Variants in DUSP22 observed in about 807,000 individuals in gnomAD.
DUSP22 encodes the protein dual specificity phosphatase 22.
In DUSP22, 24 loss-of-function variants were observed where a neutral mutation model predicts 24.5. That is an observed-to-expected ratio of 0.98 (90% CI 0.71 to 1.38). DUSP22 has a LOEUF of 1.38. Ranked by LOEUF, DUSP22 falls within the 40% of genes most tolerant of loss-of-function variation. DUSP22 has a pLI of 0.00. For missense variants in DUSP22, 330 were observed against 269.2 expected, an observed-to-expected ratio of 1.23 and a Z score of -1.58; for synonymous variants, 160 against 106.4, an observed-to-expected ratio of 1.50 and a Z score of -3.10.
chr6:344,787 A>G (rs1298280990), intron 4 of DUSP22, among the ~76,000 whole-genome samples: 9 of 152,304 alleles, frequency 5.9e-5, no homozygotes, highest in African/African-American at 2.2e-4. Context: ...AGGACTGCCA[A>G]AGTCCCGGGA....
chr6:341,359 C>G (rs574773576), intron 4 of DUSP22, among the ~76,000 whole-genome samples: 1 of 152,424 alleles, frequency 6.6e-6, no homozygotes, highest in African/African-American at 2.4e-5. Context: ...CGCACTTCTG[C>G]TTCTAACTGC....
At chr6:293,731 G>A (rs1561641863) in intron 1 of DUSP22, among the ~76,000 whole-genome samples, 1 of 151,794 alleles carries the variant, frequency 6.6e-6, no homozygotes, top group East Asian at 1.9e-4. Context: ...GTTTGTGAAA[G>A]AACTATTGTG....
chr6:333,544 G>A (rs562237298), intron 3 of DUSP22, among the ~76,000 whole-genome samples: 6 of 152,420 alleles, frequency 3.9e-5, no homozygotes, highest in South Asian at 4.1e-4. Flanking sequence ...TCTCACTTAG[G>A]TGTTAGTTGC....
chr6:347,698 A>G (rs2671409), intron 5 of DUSP22, among the ~76,000 whole-genome samples: 3 of 152,302 alleles, frequency 2.0e-5, no homozygotes, highest in African/African-American at 7.2e-5. Flanking sequence ...TTTAAGGAAC[A>G]TGAAGCATTC....
At chr6:346,092 G>A (rs569308590) in intron 5 of DUSP22, among the ~76,000 whole-genome samples, 164 bp downstream of exon 5, 1,323 of 151,598 alleles carry the variant, frequency 8.7e-3, no homozygotes, top group Non-Finnish European at 0.011. Context: ...TGTGTTAGTC[G>A]CCCTTTCCTT....
intron 3 of DUSP22, among the ~76,000 whole-genome samples, chr6:332,324 G>A (rs556819840): frequency 1.3e-5 from 2 of 152,428 alleles, no homozygotes; most frequent in Non-Finnish European, 2.9e-5. Flanking sequence ...GGAGGCTGCA[G>A]CTCCACACGC....
At chr6:309,516 A>T (rs1403377810) in intron 2 of DUSP22, among the ~76,000 whole-genome samples, 1 of 152,302 alleles carries the variant, frequency 6.6e-6, no homozygotes, top group East Asian at 1.9e-4. Flanking sequence ...TATCACCTAA[A>T]TTTTTTTTCC....
At position 292,488 on chromosome 6, in the gene DUSP22, T is replaced by A. The variant is rs1485789650; in HGVS notation, c.-52T>A. On this transcript the variant is annotated 5_prime_UTR_variant, in exon 1 of 7. Transcript: ENST00000419235. ...CGCTCCTCCTCCCTGTAACATGCCA[T>A]AGTGCGCCTGCGACCACACGGCCGG... The A allele has an allele frequency of 1.3e-6, 2 of 1,581,926 alleles. No homozygotes were observed. Among genetic ancestry groups the A allele is most frequent in the African/African-American group, 2.7e-5 (2 of 74,024 alleles).
At chr6:315,455 C>T (rs1461168343) in intron 3 of DUSP22, among the ~76,000 whole-genome samples, 3 of 152,310 alleles carry the variant, frequency 2.0e-5, no homozygotes, top group African/African-American at 7.2e-5. Flanking sequence ...CGGGACTCCT[C>T]TCCCAGACTG....
chr6:306,912 G>A (rs919207571), intron 2 of DUSP22, among the ~76,000 whole-genome samples: 77 of 152,392 alleles, frequency 5.1e-4, no homozygotes, highest in Non-Finnish European at 9.1e-4. Context: ...GGGCTGTAGC[G>A]GGGCTGACCC....
At chr6:348,070 G>A (rs777119150) in intron 5 of DUSP22, 33 bp from the exon 6 acceptor site, 17 of 1,612,066 alleles carry the variant, frequency 1.1e-5, no homozygotes, top group Non-Finnish European at 1.3e-5. Flanking sequence ...ATCTGAAACT[G>A]CCCTCACACA....
At chr6:315,625 A>T (rs1314946007) in intron 3 of DUSP22, among the ~76,000 whole-genome samples, 2 of 152,310 alleles carry the variant, frequency 1.3e-5, no homozygotes, top group Non-Finnish European at 2.9e-5. Flanking sequence ...TTTCCCTGCC[A>T]TGCCATCACC....
chr6:343,018 A>T (rs1463367939), intron 4 of DUSP22, among the ~76,000 whole-genome samples: 3 of 152,306 alleles, frequency 2.0e-5, no homozygotes, highest in African/African-American at 7.2e-5. Flanking sequence ...CTGCCCAACA[A>T]GGCTCCCTTC....
chr6:334,399 CA>C (rs1759272941), intron 3 of DUSP22, among the ~76,000 whole-genome samples: 2 of 149,868 alleles, frequency 1.3e-5, no homozygotes, highest in Admixed American at 1.3e-4. Context: ...GAGAAACAGC[CA>C]TTTTTTTTTT....
chr6:292,830 T>C (rs1213624747), intron 1 of DUSP22, among the ~76,000 whole-genome samples: 2 of 152,164 alleles, frequency 1.3e-5, no homozygotes, highest in Non-Finnish European at 2.9e-5. Flanking sequence ...AGCCGCGCCC[T>C]TTGAAAGCGT....
At chr6:344,751 C>T (rs1475775701) in intron 4 of DUSP22, among the ~76,000 whole-genome samples, 2 of 152,304 alleles carry the variant, frequency 1.3e-5, no homozygotes, top group Non-Finnish European at 2.9e-5. Flanking sequence ...TTCCATTTCC[C>T]CACAGCTCTC....
chr6:304,071 C>T (rs1250094847), intron 1 of DUSP22, among the ~76,000 whole-genome samples: 2 of 152,306 alleles, frequency 1.3e-5, no homozygotes, highest in Non-Finnish European at 1.5e-5. Flanking sequence ...CAGTGAGCAA[C>T]AGGATTCGTT....
chr6:333,533 C>A (rs1759228824), intron 3 of DUSP22, among the ~76,000 whole-genome samples: 2 of 152,296 alleles, frequency 1.3e-5, no homozygotes, highest in South Asian at 4.1e-4. Context: ...AGAGGGAATT[C>A]TCTCACTTAG....
intron 3 of DUSP22, among the ~76,000 whole-genome samples, chr6:323,172 C>G (rs1266025487): frequency 6.6e-6 from 1 of 152,294 alleles, no homozygotes; most frequent in African/African-American, 2.4e-5. Flanking sequence ...AAGCTCTGTC[C>G]ATGCTTTTAA....
Sources: allele counts gnomAD v4.1 joint callset (sites outside exome capture counted in the v4.1 genomes callset), GRCh38; gene constraint gnomAD v4.1.1; transcripts MANE v1.5; gene names NCBI Gene and HGNC (gene_info 2026-07-23, HGNC 2026-07-21).